The following ARHGAP44 variants were observed in gnomAD, a reference collection of about 807,000 sequenced individuals.
ARHGAP44 encodes Rho GTPase activating protein 44, also known as rho GTPase-activating protein 44.
ARHGAP44 carries 43 observed loss-of-function variants against 106.8 expected under a neutral mutation model. The ratio of observed to expected loss-of-function variants is 0.40; its 90% CI spans 0.32 to 0.52. The LOEUF (loss-of-function observed/expected upper bound fraction) is 0.52, where lower values mean the gene tolerates loss of function less well. Among genes scored for constraint, ARHGAP44 ranks in the 20% least tolerant of loss-of-function variants. The pLI is 0.48. For missense variants in ARHGAP44, 866 were observed against 1,050.5 expected (o/e 0.82, Z 2.43); for synonymous variants, 439 against 410.3 (o/e 1.07, Z -0.85).
chr17:12,905,626 C>G (rs939544113), intron 3 of ARHGAP44, among the ~76,000 whole-genome samples: 2 of 152,264 alleles, frequency 1.3e-5, no homozygotes, highest in East Asian at 1.9e-4. Context: ...AGTCTTTTTC[C>G]ATATTTGGAA....
At chr17:12,817,298 A>G (rs1358019171) in intron 1 of ARHGAP44, among the ~76,000 whole-genome samples, 4 of 152,116 alleles carry the variant, frequency 2.6e-5, no homozygotes, top group Non-Finnish European at 2.9e-5. Flanking sequence ...ATGCTTAATT[A>G]GAAAAGAGGA....
chr17:12,820,437 G>A (rs2034733800), intron 1 of ARHGAP44, among the ~76,000 whole-genome samples: 1 of 152,132 alleles, frequency 6.6e-6, no homozygotes, highest in Non-Finnish European at 1.5e-5. Flanking sequence ...TAGGTGGAGA[G>A]TATTAAATTC....
In ARHGAP44 at chr17:12,894,925, C is replaced by T. The variant is rs980058321; in HGVS notation, c.54-15C>T. Reference sequence around the variant, plus strand: ...TTAGTTTTGTTACTGATATGTTTCTCAATGTTCTTTTTAGGGCTGAAAAGA... The same window carrying T: ...TTAGTTTTGTTACTGATATGTTTCTTAATGTTCTTTTTAGGGCTGAAAAGA... On this transcript the variant is annotated splice_polypyrimidine_tract_variant and intron_variant, in intron 1 of 20. Coordinates refer to ENST00000379672, the MANE Select transcript of ARHGAP44 (RefSeq NM_014859.6). 6.3e-6 allele frequency: 10 copies of T among 1,577,580 alleles called. No homozygotes were observed. In the African/African-American group the frequency reaches 1.1e-4, roughly 17 times the overall value.
At chr17:12,903,185 G>GTT (rs60306321) in intron 3 of ARHGAP44, among the ~76,000 whole-genome samples, 1 of 137,958 alleles carries the variant, frequency 7.2e-6, no homozygotes, top group African/African-American at 3.0e-5. Flanking sequence ...GTGTGTGTGT[G>GTT]TTTGGAGGAA....
At chr17:12,813,895 C>T (rs777965281) in intron 1 of ARHGAP44, among the ~76,000 whole-genome samples, 2 of 152,168 alleles carry the variant, frequency 1.3e-5, no homozygotes, top group Admixed American at 6.5e-5. Context: ...CTGGGACACA[C>T]GTAGTCCAAC....
intron 6 of ARHGAP44, among the ~76,000 whole-genome samples, chr17:12,926,041 C>T (rs2150962418): frequency 6.6e-6 from 1 of 152,212 alleles, no homozygotes; most frequent in African/African-American, 2.4e-5. Context: ...ACAAAGAGAA[C>T]ATATTTTGGA....
chr17:12,887,845 A>G (rs2036925836), intron 1 of ARHGAP44, among the ~76,000 whole-genome samples: 1 of 149,314 alleles, frequency 6.7e-6, no homozygotes, highest in African/African-American at 2.5e-5. Flanking sequence ...ATTTCATATT[A>G]TGTGTATTGC....
chr17:12,963,542 T>G (rs559333797), intron 16 of ARHGAP44, among the ~76,000 whole-genome samples: 1 of 151,200 alleles, frequency 6.6e-6, no homozygotes, highest in African/African-American at 2.4e-5. Context: ...ATGCTGTGTG[T>G]GCAGACAGGC....
chr17:12,940,872 C>T (rs181458370), intron 7 of ARHGAP44, among the ~76,000 whole-genome samples, 184 bp from the exon 8 acceptor site: 89 of 151,410 alleles, frequency 5.9e-4, no homozygotes, highest in Middle Eastern at 3.4e-3. Flanking sequence ...TTCAAACTTA[C>T]GCATTTTTCA....
intron 6 of ARHGAP44, among the ~76,000 whole-genome samples, chr17:12,921,084 GAGATGA>G (rs577619032): frequency 3.3e-5 from 5 of 151,948 alleles, no homozygotes; most frequent in Non-Finnish European, 4.4e-5. Flanking sequence ...ATTTATTTTT[GAGATGA>G]AGATTTGCTC....
chr17:12,834,699 G>T (rs1402998835), intron 1 of ARHGAP44, among the ~76,000 whole-genome samples: 2 of 152,146 alleles, frequency 1.3e-5, no homozygotes, highest in East Asian at 3.8e-4. Flanking sequence ...CTTCCCCCAT[G>T]AAGTTTATTT....
intron 1 of ARHGAP44, among the ~76,000 whole-genome samples, chr17:12,846,723 G>T (rs191502922): frequency 6.6e-6 from 1 of 152,188 alleles, no homozygotes; most frequent in Non-Finnish European, 1.5e-5. Context: ...CATTCATGAC[G>T]TAAATATATG....
intron 18 of ARHGAP44, among the ~76,000 whole-genome samples, chr17:12,977,065 TTC>T (rs1163723147): frequency 6.6e-6 from 1 of 152,124 alleles, no homozygotes; most frequent in Non-Finnish European, 1.5e-5. Context: ...TCCAGGAACA[TTC>T]TCGGTGGGTG....
At position 12,974,330 on chromosome 17, in the gene ARHGAP44, G is replaced by T. The variant is rs2039615149; in HGVS notation, c.1763+20G>T. ...CACCAGGTAAGCGCGGGCCACTGCC[G>T]TCCGGGCGGGCTGGTGTGCGGTGCA... On this transcript the variant is annotated intron_variant, in intron 18 of 20. Transcript: ENST00000379672. The T allele has an allele frequency of 7.2e-7, 1 of 1,387,012 alleles. No individual in the cohort carries two copies. Among genetic ancestry groups the T allele is most frequent in the Non-Finnish European group, 9.3e-7 (1 of 1,077,238 alleles). 85.9% of individuals were successfully genotyped at this position (1,387,012 alleles called of 1,614,324 possible).
chr17:12,899,556 G>T (rs959819507), intron 3 of ARHGAP44, among the ~76,000 whole-genome samples: 2 of 151,708 alleles, frequency 1.3e-5, no homozygotes, highest in African/African-American at 4.8e-5. Flanking sequence ...TGTCAAGATC[G>T]GAGCAATGGG....
intron 16 of ARHGAP44, among the ~76,000 whole-genome samples, chr17:12,963,441 A>G (rs946866046): frequency 6.6e-6 from 1 of 152,250 alleles, no homozygotes; most frequent in Admixed American, 6.5e-5. Flanking sequence ...CCTCAAGCCC[A>G]GCTGAGCACT....
intron 1 of ARHGAP44, among the ~76,000 whole-genome samples, chr17:12,894,329 G>A (rs1332272980): frequency 1.3e-5 from 2 of 151,916 alleles, no homozygotes; most frequent in African/African-American, 2.4e-5. Context: ...GAGAGAGAGC[G>A]TTAAATCAGA....
At chr17:12,916,675 G>A (rs1044965486) in intron 5 of ARHGAP44, among the ~76,000 whole-genome samples, 9 of 152,206 alleles carry the variant, frequency 5.9e-5, no homozygotes, top group East Asian at 1.9e-4. Context: ...GTGAGCCATC[G>A]TGCCCAGCTG....
intron 1 of ARHGAP44, among the ~76,000 whole-genome samples, chr17:12,830,106 G>C (rs2035040555): frequency 1.3e-5 from 2 of 152,066 alleles, no homozygotes; most frequent in Admixed American, 6.5e-5. Context: ...TAAGTCCTGG[G>C]GTTTTGGGAT....
Sources: gnomAD v4.1 joint callset for allele counts (sites outside exome capture counted in the v4.1 genomes callset) on GRCh38, gnomAD v4.1.1 for gene constraint, MANE v1.5 for transcripts, NCBI Gene and HGNC (gene_info 2026-07-23, HGNC 2026-07-21) for gene names.